The following KRT82 variants were observed in gnomAD, a reference collection of about 807,000 sequenced individuals.
The protein encoded by KRT82 is keratin, type II cuticular Hb2.
A neutral mutation model predicts 48.0 loss-of-function variants in KRT82; 44 were observed. That is an observed-to-expected ratio of 0.92 (90% CI 0.72 to 1.18). The LOEUF (loss-of-function observed/expected upper bound fraction) is 1.18. KRT82 is among the 50% of genes most tolerant of loss of function. The pLI is 0.00. For synonymous variants in KRT82, 297 were observed against 278.3 expected, an observed-to-expected ratio of 1.07 and a Z score of -0.67; for missense variants, 701 against 671.4, an observed-to-expected ratio of 1.04 and a Z score of -0.49.
chr12:52,401,295 C>G lies in KRT82; in HGVS notation c.675G>C (p.Leu225Phe). The G allele has an allele frequency of 1.2e-6, 2 of 1,613,992 alleles. No homozygotes were observed. The highest frequency in any genetic ancestry group is 3.3e-4 in the Middle Eastern group (2 of 6,062). ...CTCTGAGCTTCCTCCTTACCTTCTTCAAGGCAACAAACTCATTCTCAACAC... is the reference window on the plus strand; with the variant it reads ...CTCTGAGCTTCCTCCTTACCTTCTTGAAGGCAACAAACTCATTCTCAACAC... Reference protein sequence around the residue: ...RPCVENEFVALKKDVDTAFLM... With the variant: ...RPCVENEFVAFKKDVDTAFLM... The change falls in exon 3 of 9, where the codon TTG becomes TTC. Residue 225 changes from leucine to phenylalanine, a missense_variant. Coordinates refer to ENST00000257974, the MANE Select transcript of KRT82 (RefSeq NM_033033.4).
intron 2 of KRT82, 23 bp downstream of exon 2, chr12:52,403,678 G>C (rs368669055): frequency 7.0e-7 from 1 of 1,420,194 alleles, no homozygotes; most frequent in African/African-American, 1.4e-5. Flanking sequence ...TCCACCAGTG[G>C]GGTAAAAGCA....
At chr12:52,405,622 T>C (rs1327691550) in intron 1 of KRT82, among the ~76,000 whole-genome samples, 1 of 152,222 alleles carries the variant, frequency 6.6e-6, no homozygotes, top group Non-Finnish European at 1.5e-5. Flanking sequence ...TGATTGGTGA[T>C]TTTGTCAGAT....
Position 52,395,826 on chromosome 12 carries a change from A to G in KRT82, c.1290-36T>C, listed in dbSNP as rs370393426. 2.1e-5 allele frequency: 32 copies of G among 1,499,750 alleles called. 1 individual carries two copies. Among genetic ancestry groups the G allele is most frequent in the Middle Eastern group, 3.5e-4 (2 of 5,672 alleles). 92.9% of individuals were successfully genotyped at this position (1,499,750 alleles called of 1,614,324 possible). Reference sequence around the variant, plus strand: ...GAGGAAAAAGAAAACAGGTATCTACATCAAACAGATGCAGGTAAATGCAGC... The same window carrying G: ...GAGGAAAAAGAAAACAGGTATCTACGTCAAACAGATGCAGGTAAATGCAGC... On this transcript the variant is annotated intron_variant, in intron 7 of 8. Coordinates refer to ENST00000257974, the MANE Select transcript of KRT82 (RefSeq NM_033033.4).
chr12:52,398,239 C>A (rs976354409), intron 5 of KRT82, among the ~76,000 whole-genome samples: 1 of 152,068 alleles, frequency 6.6e-6, no homozygotes. Context: ...GGGGGAATGA[C>A]CCAGTTGGCT....
chr12:52,406,144 C>T lies in KRT82; in HGVS notation c.134G>A (p.Gly45Asp), dbSNP rs1939851933. The change falls in exon 1 of 9, where the codon GGC (glycine) becomes GAC (aspartate). Residue 45 changes from glycine to aspartate, a missense_variant. Physicochemically the swap from Gly to Asp is moderately conservative, Grantham distance 94. Transcript: ENST00000257974. ...KGPCRPGGGR[G>D]LRALGCLGSR... is the part of the protein sequence containing the mutation. ...GCCAAGGCAGCCCAGAGCTCGGAGGCCCCTACCACCCCCGGGCCGGCATGG... is the reference window on the plus strand; with the variant it reads ...GCCAAGGCAGCCCAGAGCTCGGAGGTCCCTACCACCCCCGGGCCGGCATGG... The T allele has an allele frequency of 6.2e-7, 1 of 1,612,960 alleles. No homozygotes were observed. Among genetic ancestry groups the T allele is most frequent in the Non-Finnish European group, 8.5e-7 (1 of 1,179,774 alleles).
chr12:52,397,127 C>T, intron 5 of KRT82, 119 bp from the exon 6 acceptor site: 1 of 1,264,352 alleles, frequency 7.9e-7, no homozygotes, highest in Admixed American at 2.2e-5. Flanking sequence ...CTCTGGTTCT[C>T]ATACTGGTTC....
chr12:52,402,746 T>C lies in KRT82; in HGVS notation c.620+955A>G, dbSNP rs1939805707. 1.3e-5 allele frequency among the ~76,000 whole-genome samples: 2 copies of C among 152,220 alleles called. 1 individual carries two copies. Among genetic ancestry groups the C allele is most frequent in the Admixed American group, 1.3e-4 (2 of 15,284 alleles). ...AGCACCCACACTTTCTAGCACAGTGTCTGGCATTGAGTAGGCATGTGGTTG... is the reference window on the plus strand; with the variant it reads ...AGCACCCACACTTTCTAGCACAGTGCCTGGCATTGAGTAGGCATGTGGTTG... On this transcript the variant is annotated intron_variant, in intron 2 of 8. Transcript: ENST00000257974.
chr12:52,400,705 C>T (rs1215608114), intron 3 of KRT82, 83 bp from the exon 4 acceptor site: 15 of 928,388 alleles, frequency 1.6e-5, no homozygotes, highest in Non-Finnish European at 2.6e-5. Context: ...GTGGGGCTCA[C>T]CTTTCCTCAC....
At position 52,400,606 on chromosome 12, in the gene KRT82, A is replaced by G. The variant is rs2121476819; in HGVS notation, c.698T>C (p.Phe233Ser). 1 of 1,613,778 alleles carries G rather than the reference A, an allele frequency of 6.2e-7. No individual in the cohort carries two copies. Among genetic ancestry groups the G allele is most frequent in the East Asian group, 2.2e-5 (1 of 44,856 alleles). ...GGTCTCCAGGTCAGCCTTCATCAGG[A>G]AGGCTGTGTCCACGTCCTGCAGCAG... is the stretch of plus-strand genomic sequence containing the variant. ...VALKKDVDTA[F>S]LMKADLETNA... Residue 233 changes from phenylalanine to serine, a missense_variant, in exon 4 of 9, where the codon TTC (phenylalanine) becomes TCC (serine). Phe to Ser is a radical substitution (Grantham distance 155, BLOSUM62 -2). Transcript: ENST00000257974.
At chr12:52,399,935 C>T in intron 5 of KRT82, 50 bp downstream of exon 5, 2 of 1,585,954 alleles carry the variant, frequency 1.3e-6, no homozygotes, top group South Asian at 1.1e-5. Context: ...CCTCCCCTCC[C>T]CTGGTTTGTC....
At chr12:52,395,957 T>G in intron 7 of KRT82, 55 bp downstream of exon 7, 1 of 1,606,684 alleles carries the variant, frequency 6.2e-7, no homozygotes, top group Non-Finnish European at 8.5e-7. Flanking sequence ...ACCAGAGGGC[T>G]GGGTAATGGC....
chr12:52,399,790 C>T lies in KRT82; in HGVS notation c.942+195G>A, dbSNP rs117277472. 2.1e-3 allele frequency among the ~76,000 whole-genome samples: 321 copies of T among 152,354 alleles called. 1 individual carries two copies. The highest frequency in any genetic ancestry group is 3.9e-3 in the Non-Finnish European group (267 of 68,030). On this transcript the variant is annotated intron_variant, in intron 5 of 8. Transcript: ENST00000257974. ...CCGGGGCGGGGAGGGGTCCCTCCCA[C>T]GTGCTCTGCAGGGAAGTGGCCTGGG...
In KRT82 at chr12:52,399,977, G is replaced by A; in HGVS notation, c.942+8C>T. The A allele has an allele frequency of 1.9e-6, 3 of 1,611,286 alleles. No individual in the cohort carries two copies. In the South Asian group the frequency reaches 3.3e-5, roughly 18 times the overall value. The stretch of plus-strand genomic sequence containing the variant: ...CCAGTCTCCCTGCCCCCAACCACAG[G>A]GCCTCACCCGGCACTGGTACCAGGC... On this transcript the variant is annotated splice_region_variant and intron_variant, in intron 5 of 8. Transcript: ENST00000257974.
At chr12:52,398,458 A>C (rs1450724601) in intron 5 of KRT82, among the ~76,000 whole-genome samples, 1 of 151,980 alleles carries the variant, frequency 6.6e-6, no homozygotes, top group Admixed American at 6.5e-5. Context: ...CTACTTTAGA[A>C]AAAAGTAAAA....
At position 52,396,231 on chromosome 12, in the gene KRT82, C is replaced by T. The variant is rs761386373; in HGVS notation, c.1070G>A (p.Arg357His). Residue 357 changes from arginine (R) to histidine (H), a missense_variant and splice_region_variant, in exon 7 of 9, where the codon CGC becomes CAC. Transcript: ENST00000257974. ...AGCTATGGCACCCTCAAGTTTGCAG[C>T]GCTGTGGGAGGGGCGCAGAAAAGCA... ...QQETENVKAQRCKLEGAIAEA... is the reference protein window; with the variant it reads ...QQETENVKAQHCKLEGAIAEA... 1.4e-5 allele frequency: 22 copies of T among 1,611,410 alleles called. No homozygotes were observed. The highest frequency in any genetic ancestry group is 2.2e-5 in the East Asian group (1 of 44,874).
At chr12:52,399,654 T>C (rs1420736479) in intron 5 of KRT82, among the ~76,000 whole-genome samples, 1 of 152,156 alleles carries the variant, frequency 6.6e-6, no homozygotes, top group African/African-American at 2.4e-5. Context: ...TCATTACAGT[T>C]CAGTAAAACC....
rs756865624 is a variant in KRT82 at position 52,396,084 on chromosome 12, A to G, written c.1217T>C (p.Val406Ala). The G allele has an allele frequency of 2.5e-6, 4 of 1,613,720 alleles. No homozygotes were observed. The South Asian group carries it at 3.3e-5, about 13-fold the overall frequency. ...GTCCAGGCCCAGCTTGGAGTTCATCACCTCCTGATATTCCTTGAGCAGGCA... is the reference window on the plus strand; with the variant it reads ...GTCCAGGCCCAGCTTGGAGTTCATCGCCTCCTGATATTCCTTGAGCAGGCA... Reference protein sequence around the residue: ...MACLLKEYQEVMNSKLGLDIE... With the variant: ...MACLLKEYQEAMNSKLGLDIE... The change falls in exon 7 of 9, where the codon GTG (valine) becomes GCG (alanine). Residue 406 changes from valine (V) to alanine (A), a missense_variant. Coordinates refer to ENST00000257974, the MANE Select transcript of KRT82 (RefSeq NM_033033.4).
At chr12:52,395,883 TG>T in intron 7 of KRT82, 93 bp from the exon 8 acceptor site, 1 of 1,471,522 alleles carries the variant, frequency 6.8e-7, no homozygotes, top group African/African-American at 1.4e-5. Context: ...TTGTGGACCA[TG>T]TGCTGCTGTG....
intron 8 of KRT82, 80 bp downstream of exon 8, chr12:52,395,679 A>G: frequency 9.5e-7 from 1 of 1,048,708 alleles, no homozygotes; most frequent in Non-Finnish European, 1.4e-6. Flanking sequence ...AGGTCTAGGA[A>G]GGGGTGGTGT....
Sources: gnomAD v4.1 joint callset for allele counts (sites outside exome capture counted in the v4.1 genomes callset) on GRCh38, gnomAD v4.1.1 for gene constraint, MANE v1.5 for transcripts, NCBI Gene and HGNC (gene_info 2026-07-23, HGNC 2026-07-21) for gene names.